The following STK32C variants were observed in gnomAD, a reference collection of about 807,000 sequenced individuals.
STK32C encodes the protein serine/threonine kinase 32C.
A neutral mutation model predicts 56.5 loss-of-function variants in STK32C; 31 were observed. That is an observed-to-expected ratio of 0.55 (90% CI 0.41 to 0.74). The LOEUF (loss-of-function observed/expected upper bound fraction) is 0.74. STK32C is among the 30% of genes least tolerant of loss of function. The probability of loss-of-function intolerance (pLI) is 0.00; values close to 1 mark genes in which losing one functional copy is unlikely to be tolerated. For missense variants in STK32C, 544 were observed against 676.9 expected (o/e 0.80, Z 2.18); for synonymous variants, 309 against 289.4 (o/e 1.07, Z -0.69).
chr10:132,264,814 C>G (rs1303711494), intron 1 of STK32C, among the ~76,000 whole-genome samples: 1 of 152,138 alleles, frequency 6.6e-6, no homozygotes, highest in East Asian at 1.9e-4. Flanking sequence ...GGGGGCGGGA[C>G]AGTCGCTCAT....
At chr10:132,295,217 G>A (rs2065701544) in intron 1 of STK32C, among the ~76,000 whole-genome samples, 1 of 152,192 alleles carries the variant, frequency 6.6e-6, no homozygotes, top group South Asian at 2.1e-4. Flanking sequence ...TGTCCCCCCA[G>A]AGCAAGGAGC....
At chr10:132,231,084 T>G (rs985570036) in intron 2 of STK32C, among the ~76,000 whole-genome samples, 18 of 152,200 alleles carry the variant, frequency 1.2e-4, no homozygotes, top group African/African-American at 4.3e-4. Context: ...GCATGTGGCC[T>G]GGGCTCCATC....
At chr10:132,249,976 C>G (rs1408755031) in intron 1 of STK32C, among the ~76,000 whole-genome samples, 1 of 152,268 alleles carries the variant, frequency 6.6e-6, no homozygotes. Flanking sequence ...AGTCCACCAG[C>G]CGGAATCTGT....
At chr10:132,267,963 GTGCA>G (rs1426155973) in intron 1 of STK32C, among the ~76,000 whole-genome samples, 2 of 144,102 alleles carry the variant, frequency 1.4e-5, no homozygotes, top group Non-Finnish European at 3.0e-5. Flanking sequence ...GCCTGTCTGT[GTGCA>G]TGCATGTCCC....
intron 1 of STK32C, among the ~76,000 whole-genome samples, chr10:132,278,929 G>C (rs916922043): frequency 6.6e-6 from 1 of 152,186 alleles, no homozygotes; most frequent in Non-Finnish European, 1.5e-5. Context: ...TGGTACAAGA[G>C]TGTGTCAGAC....
chr10:132,257,940 T>C (rs529694449), intron 1 of STK32C, among the ~76,000 whole-genome samples: 1 of 152,254 alleles, frequency 6.6e-6, no homozygotes, highest in South Asian at 2.1e-4. Flanking sequence ...GGCCCTGACA[T>C]GGGCTGCAAA....
At position 132,207,560 on chromosome 10, in the gene STK32C, G is replaced by A; in HGVS notation, c.*450C>T. 6.2e-6 allele frequency: 1 copy of A among 160,624 alleles called. No individual in the cohort carries two copies. The highest frequency in any genetic ancestry group is 2.4e-5 in the African/African-American group (1 of 41,976). 9.9% of individuals were successfully genotyped at this position (160,624 alleles called of 1,614,324 possible). On this transcript the variant is annotated 3_prime_UTR_variant, in exon 12 of 12. Transcript: ENST00000298630. ...ATTGCTGGAGCAGTTTGAATCTCTA[G>A]AAAACATTCACCTCCCCACCCACTA... is the stretch of plus-strand genomic sequence containing the variant.
rs555819646 is a variant in STK32C, at chr10:132,218,375, T to TA, written c.1251+4265dup. Among the ~76,000 whole-genome samples the TA allele has an allele frequency of 2.5e-3, 373 of 151,922 alleles. 3 individuals carry two copies. Among genetic ancestry groups the TA allele is most frequent in the African/African-American group, 8.5e-3 (350 of 41,416 alleles). ...ATTAAAATATATTGTCAGAGTAGAC[T>TA]AAAAAAAAGACAATAAAAATTTTAA... On this transcript the variant is annotated intron_variant, in intron 10 of 11. Coordinates refer to ENST00000298630, the MANE Select transcript of STK32C (RefSeq NM_173575.4).
intron 2 of STK32C, among the ~76,000 whole-genome samples, chr10:132,242,561 C>T (rs892622325): frequency 1.3e-5 from 2 of 152,030 alleles, no homozygotes; most frequent in African/African-American, 4.8e-5. Context: ...CCAGGATCCA[C>T]CCCCGCCTCA....
At chr10:132,234,896 G>A (rs2063221503) in intron 2 of STK32C, among the ~76,000 whole-genome samples, 1 of 152,250 alleles carries the variant, frequency 6.6e-6, no homozygotes, top group Non-Finnish European at 1.5e-5. Context: ...AGCTTGTGTG[G>A]CACGCCCACC....
intron 1 of STK32C, among the ~76,000 whole-genome samples, chr10:132,300,113 G>A (rs2065869348): frequency 1.3e-5 from 2 of 152,238 alleles, no homozygotes; most frequent in Non-Finnish European, 2.9e-5. Flanking sequence ...CCTCTCTCCT[G>A]CTCTATCACA....
At chr10:132,214,745 C>T (rs773603540) in intron 10 of STK32C, among the ~76,000 whole-genome samples, 6 of 152,272 alleles carry the variant, frequency 3.9e-5, no homozygotes, top group Non-Finnish European at 8.8e-5. Context: ...GAGGATTGCA[C>T]GAGAGGTGCC....
At chr10:132,295,777 G>A (rs558288035) in intron 1 of STK32C, among the ~76,000 whole-genome samples, 78 of 152,186 alleles carry the variant, frequency 5.1e-4, no homozygotes, top group Middle Eastern at 3.4e-3. Flanking sequence ...CCAGCTACTC[G>A]GGAGGCTGAG....
At position 132,242,952 on chromosome 10, in the gene STK32C, G is replaced by A. The variant is rs75870804; in HGVS notation, c.318+2948C>T. 6.6e-3 allele frequency among the ~76,000 whole-genome samples: 1,011 copies of A among 152,258 alleles called. 15 individuals are homozygous for A. The highest frequency in any genetic ancestry group is 0.023 in the African/African-American group (940 of 41,542). On this transcript the variant is annotated intron_variant, in intron 2 of 11. Transcript: ENST00000298630. ...GAACCACAGACCGGAAAGGTCAATG[G>A]CTTTTAAGAGATGCGTGTCCAGAGA... is the stretch of plus-strand genomic sequence containing the variant.
In STK32C at chr10:132,240,073, C is replaced by T. The variant is rs566996463; in HGVS notation, c.318+5827G>A. Among the ~76,000 whole-genome samples the T allele has an allele frequency of 4.6e-5, 7 of 151,604 alleles. No homozygotes were observed. In the East Asian group the frequency reaches 1.2e-3, roughly 25 times the overall value. On this transcript the variant is annotated intron_variant, in intron 2 of 11. Coordinates refer to ENST00000298630, the MANE Select transcript of STK32C (RefSeq NM_173575.4). Reference sequence around the variant, plus strand: ...CCTGGTGGCCTGGAGAGCACGAGGCCCCCCCCAAAGAAGACCCCCAGGGAA... The same window carrying T: ...CCTGGTGGCCTGGAGAGCACGAGGCTCCCCCCAAAGAAGACCCCCAGGGAA...
chr10:132,228,252 C>T (rs1243169181), intron 2 of STK32C, 124 bp from the exon 3 acceptor site: 17 of 1,247,334 alleles, frequency 1.4e-5, no homozygotes, highest in Middle Eastern at 2.0e-4. Flanking sequence ...CCTGGGGACG[C>T]GCCGCAGCCC....
chr10:132,318,462 A>T (rs1335673516), intron 1 of STK32C, among the ~76,000 whole-genome samples: 1 of 151,542 alleles, frequency 6.6e-6, no homozygotes, highest in East Asian at 1.9e-4. Flanking sequence ...TAAAAATACA[A>T]AAATTAGCCA....
intron 1 of STK32C, among the ~76,000 whole-genome samples, chr10:132,283,366 G>A (rs770194963): frequency 1.1e-4 from 17 of 152,232 alleles, no homozygotes; most frequent in Middle Eastern, 3.2e-3. Flanking sequence ...CTGTGAAGGC[G>A]TTGGCAGAAC....
At chr10:132,227,037 G>A in intron 3 of STK32C, 69 bp from the exon 4 acceptor site, 1 of 1,556,900 alleles carries the variant, frequency 6.4e-7, no homozygotes, top group Non-Finnish European at 8.8e-7. Context: ...TCCCACAGCT[G>A]ACACACTCCC....
Sources: gnomAD v4.1 joint callset for allele counts (sites outside exome capture counted in the v4.1 genomes callset) on GRCh38, gnomAD v4.1.1 for gene constraint, MANE v1.5 for transcripts, NCBI Gene and HGNC (gene_info 2026-07-23, HGNC 2026-07-21) for gene names.